RABGAP1: variants seen among roughly 807,000 people sequenced by gnomAD.
RABGAP1 encodes RAB GTPase activating protein 1.
Under a neutral mutation model 137.6 loss-of-function variants are expected in RABGAP1, and 23 were observed. The observed-to-expected ratio is 0.17, with a 90% CI of 0.12 to 0.24. RABGAP1 has a LOEUF of 0.24. Ranked by LOEUF, RABGAP1 falls within the 10% of genes least tolerant of loss-of-function variation. The pLI is 1.00. For synonymous variants in RABGAP1, 451 were observed against 450.7 expected, an observed-to-expected ratio of 1.00 and a Z score of -0.01; for missense variants, 906 against 1,275.8, an observed-to-expected ratio of 0.71 and a Z score of 4.42.
At chr9:123,019,789 A>G (rs1016624107) in intron 12 of RABGAP1, among the ~76,000 whole-genome samples, 4 of 152,148 alleles carry the variant, frequency 2.6e-5, no homozygotes, top group African/African-American at 9.7e-5. Flanking sequence ...CTCCTGGTTC[A>G]AGCAGTTCTT....
intron 1 of RABGAP1, among the ~76,000 whole-genome samples, chr9:122,955,933 G>A (rs1480435013): frequency 6.6e-6 from 1 of 152,126 alleles, no homozygotes. Flanking sequence ...TGAGTATAAC[G>A]TTATATCGTT....
intron 10 of RABGAP1, among the ~76,000 whole-genome samples, chr9:123,006,478 T>G (rs1351708055): frequency 6.6e-6 from 1 of 152,260 alleles, no homozygotes; most frequent in African/African-American, 2.4e-5. Flanking sequence ...TTCTACCCAG[T>G]GATTTGAAAT....
At chr9:123,082,718 A>C (rs1352034237) in intron 19 of RABGAP1, among the ~76,000 whole-genome samples, 1 of 6,606 alleles carries the variant, frequency 1.5e-4, no homozygotes, top group Non-Finnish European at 0.013. Context: ...GTCATTTTAA[A>C]CACAACGTGA....
upstream of RABGAP1, chr9:122,940,783 C>G (rs1211409750): frequency 6.5e-6 from 1 of 152,854 alleles, no homozygotes; most frequent in Non-Finnish European, 1.5e-5. Context: ...TCCAAATACA[C>G]AAGACAGCCC....
intron 15 of RABGAP1, chr9:123,071,540 A>T (rs760445578): frequency 3.9e-5 from 6 of 152,358 alleles, no homozygotes; most frequent in Admixed American, 3.3e-4. Flanking sequence ...CTGGATACAG[A>T]GCTTGTGAAT....
At chr9:122,942,677 A>AAAAAAC (rs1296894789) in intron 1 of RABGAP1, among the ~76,000 whole-genome samples, 2 of 151,042 alleles carry the variant, frequency 1.3e-5, no homozygotes, top group South Asian at 2.1e-4. Flanking sequence ...CTCAAAAAAA[A>AAAAAAC]AAAAAAAAAA....
chr9:123,089,963 C>A, intron 20 of RABGAP1, 113 bp downstream of exon 20: 2 of 1,000,392 alleles, frequency 2.0e-6, no homozygotes, highest in South Asian at 1.6e-5. Context: ...TCTGTAGGTT[C>A]AGGTTTGAGT....
chr9:122,957,220 C>G lies in RABGAP1; in HGVS notation c.150+11C>G, dbSNP rs944974616. On this transcript the variant is annotated intron_variant, in intron 2 of 25. Transcript: ENST00000373647. ...AAAACAGGACTCAAGGTAAAACTCCCTAACCTAAGATTGTTTTGCTTAGCT... is the reference window on the plus strand; with the variant it reads ...AAAACAGGACTCAAGGTAAAACTCCGTAACCTAAGATTGTTTTGCTTAGCT... The G allele has an allele frequency of 6.7e-7, 1 of 1,502,226 alleles. No homozygotes were observed. The highest frequency in any genetic ancestry group is 1.4e-5 in the African/African-American group (1 of 73,592). 93.1% of individuals were successfully genotyped at this position (1,502,226 alleles called of 1,614,324 possible).
chr9:123,023,222 C>T (rs1007960334), intron 13 of RABGAP1, among the ~76,000 whole-genome samples: 3 of 152,038 alleles, frequency 2.0e-5, no homozygotes, highest in African/African-American at 2.4e-5. Flanking sequence ...GCCCTGTCAC[C>T]GAGGCTGGAG....
intron 13 of RABGAP1, among the ~76,000 whole-genome samples, chr9:123,048,041 G>T (rs1203537257): frequency 1.4e-5 from 2 of 142,846 alleles, no homozygotes; most frequent in Non-Finnish European, 3.0e-5. Context: ...CCAGGTTCAA[G>T]CGATTCTCCT....
intron 10 of RABGAP1, among the ~76,000 whole-genome samples, chr9:123,001,521 C>T (rs1837325097): frequency 6.6e-6 from 1 of 152,174 alleles, no homozygotes. Flanking sequence ...GGCATGGACA[C>T]TTATTTTCAG....
intron 18 of RABGAP1, 25 bp downstream of exon 18, chr9:123,076,311 T>C (rs1234287503): frequency 6.3e-7 from 1 of 1,593,230 alleles, no homozygotes; most frequent in Non-Finnish European, 8.6e-7. Context: ...ATTAGCTGAG[T>C]TATCTGTCAT....
At chr9:123,049,699 G>C (rs201608559) in intron 13 of RABGAP1, among the ~76,000 whole-genome samples, 1 of 152,112 alleles carries the variant, frequency 6.6e-6, no homozygotes, top group African/African-American at 2.4e-5. Context: ...GCAGATCCCC[G>C]ACAGGGCACT....
chr9:122,934,256 T>G, the RABGAP1 span, among the ~76,000 whole-genome samples: 4 of 151,728 alleles, frequency 2.6e-5, no homozygotes, highest in Non-Finnish European at 4.4e-5. Context: ...TTTTTTGTAT[T>G]TTTAGTAGAG....
At chr9:123,060,125 G>A (rs922219404) in intron 13 of RABGAP1, among the ~76,000 whole-genome samples, 1 of 152,210 alleles carries the variant, frequency 6.6e-6, no homozygotes, top group Non-Finnish European at 1.5e-5. Flanking sequence ...GGTGGGGAAT[G>A]TGAGATTACA....
chr9:122,989,609 A>C, intron 5 of RABGAP1, 138 bp downstream of exon 5: 5 of 870,020 alleles, frequency 5.7e-6, no homozygotes, highest in Non-Finnish European at 8.7e-6. Flanking sequence ...TTCTAGCCTC[A>C]TGGGCCAAAA....
chr9:123,029,060 A>C (rs7855914), intron 13 of RABGAP1, among the ~76,000 whole-genome samples: 16,716 of 152,154 alleles, frequency 0.11, 2,962 homozygotes, highest in African/African-American at 0.38. Flanking sequence ...CCCGTTAATA[A>C]TTCAGGCAAG....
At chr9:123,027,149 G>A (rs918253253) in intron 13 of RABGAP1, among the ~76,000 whole-genome samples, 14 of 129,002 alleles carry the variant, frequency 1.1e-4, no homozygotes, top group Admixed American at 1.9e-4. Context: ...TCGCTCTCTC[G>A]CTCTGTTGCC....
At chr9:122,981,110 T>C (rs917571010) in intron 2 of RABGAP1, among the ~76,000 whole-genome samples, 2 of 152,126 alleles carry the variant, frequency 1.3e-5, no homozygotes, top group Non-Finnish European at 2.9e-5. Flanking sequence ...CGATCTTGGC[T>C]CACTGCAACC....
Sources: gnomAD v4.1 joint callset for allele counts (sites outside exome capture counted in the v4.1 genomes callset) on GRCh38, gnomAD v4.1.1 for gene constraint, MANE v1.5 for transcripts, NCBI Gene and HGNC (gene_info 2026-07-23, HGNC 2026-07-21) for gene names.